The following SPTBN1 variants were observed in gnomAD, a reference collection of about 807,000 sequenced individuals.
SPTBN1 encodes spectrin beta chain, non-erythrocytic 1.
In SPTBN1, 32 loss-of-function variants were observed where a neutral mutation model predicts 266.4. The ratio of observed to expected loss-of-function variants is 0.12; its 90% CI spans 0.09 to 0.16. The LOEUF (loss-of-function observed/expected upper bound fraction) is 0.16, where lower values mean the gene tolerates loss of function less well. Ranked by LOEUF, SPTBN1 falls within the 10% of genes least tolerant of loss-of-function variation. The probability of loss-of-function intolerance (pLI) is 1.00; values close to 1 mark genes in which losing one functional copy is unlikely to be tolerated. For synonymous variants in SPTBN1, 1,336 were observed against 1,162.2 expected (o/e 1.15, Z -3.04); for missense variants, 2,296 against 3,067.1 (o/e 0.75, Z 5.94).
At chr2:54,547,909 C>A (rs1672340139) in intron 2 of SPTBN1, among the ~76,000 whole-genome samples, 1 of 152,108 alleles carries the variant, frequency 6.6e-6, no homozygotes, top group African/African-American at 2.4e-5. Flanking sequence ...TTTGGGAGGC[C>A]AAGGCGGGCA....
chr2:54,576,714 C>A (rs1674508443), intron 2 of SPTBN1, among the ~76,000 whole-genome samples: 1 of 152,176 alleles, frequency 6.6e-6, no homozygotes, highest in Non-Finnish European at 1.5e-5. Context: ...ATCCATCCAC[C>A]TGTTCAATCA....
rs770985688 is a variant in SPTBN1 at position 54,628,381 on chromosome 2, C to A, written c.1798+131C>A. ...GGGTTTGTCATGGGAGCATGAAATA[C>A]GGTGGAGTGGCCTTCTGAACACTAA... On this transcript the variant is annotated intron_variant, in intron 13 of 35. Coordinates refer to ENST00000356805, the MANE Select transcript of SPTBN1 (RefSeq NM_003128.3). The surrounding 1 kb of genome is among the most constrained non-coding windows in gnomAD (Gnocchi z 4.3). 1.8e-5 allele frequency: 21 copies of A among 1,168,282 alleles called. No individual in the cohort carries two copies. The highest frequency in any genetic ancestry group is 6.6e-5 in the Admixed American group (2 of 30,310). 72.4% of individuals were successfully genotyped at this position (1,168,282 alleles called of 1,614,324 possible).
At chr2:54,584,438 T>TA (rs1442620957) in intron 2 of SPTBN1, among the ~76,000 whole-genome samples, 1 of 152,244 alleles carries the variant, frequency 6.6e-6, no homozygotes, top group East Asian at 1.9e-4. Flanking sequence ...ATGGAGGAAA[T>TA]ACATACTATA....
intron 2 of SPTBN1, among the ~76,000 whole-genome samples, chr2:54,571,596 C>T (rs370166274): frequency 0.17 from 22,754 of 137,246 alleles, 1,801 homozygotes; most frequent in Middle Eastern, 0.19. Context: ...CACACACACA[C>T]ACACATATCT....
chr2:54,459,161 G>A (rs1412669052), intron 1 of SPTBN1, among the ~76,000 whole-genome samples: 1 of 152,172 alleles, frequency 6.6e-6, no homozygotes, highest in Non-Finnish European at 1.5e-5. Flanking sequence ...AATTCTGTTG[G>A]GTTAAGCTCT....
chr2:54,573,662 G>T (rs1462324809), intron 2 of SPTBN1, among the ~76,000 whole-genome samples: 1 of 152,182 alleles, frequency 6.6e-6, no homozygotes, highest in African/African-American at 2.4e-5. Flanking sequence ...GTTAGAAACA[G>T]AACTCCTTTT....
chr2:54,467,585 A>G (rs1192063448), intron 1 of SPTBN1, among the ~76,000 whole-genome samples: 1 of 152,084 alleles, frequency 6.6e-6, no homozygotes, highest in Non-Finnish European at 1.5e-5. Context: ...GGGTTTCACC[A>G]TGTTGGCCAG....
chr2:54,645,085 A>G lies in SPTBN1; in HGVS notation c.4270-144A>G. The G allele has an allele frequency of 1.3e-6, 1 of 747,602 alleles. No homozygotes were observed. Among genetic ancestry groups the G allele is most frequent in the East Asian group, 2.6e-5 (1 of 37,856 alleles). 46.3% of individuals were successfully genotyped at this position (747,602 alleles called of 1,614,324 possible). A position where few individuals can be genotyped will look rare whatever the true frequency, so the allele number is the denominator to read the frequency against. On this transcript the variant is annotated intron_variant, in intron 20 of 35. Coordinates refer to ENST00000356805, the MANE Select transcript of SPTBN1 (RefSeq NM_003128.3). The surrounding 1 kb of genome is among the most constrained non-coding windows in gnomAD (Gnocchi z 4.3). ...GAAAACAGTTCCATTGATGTTGAAA[A>G]GCAAGTCAGTGGCAAAATGTTTGAG...
intron 3 of SPTBN1, among the ~76,000 whole-genome samples, chr2:54,608,610 G>A (rs1184925689): frequency 6.6e-6 from 1 of 152,124 alleles, no homozygotes; most frequent in East Asian, 1.9e-4. Context: ...AAGGAGAGAA[G>A]GATGGAGCCA....
rs1677252271 is a variant in SPTBN1, at chr2:54,612,054, G to A, written c.301-107G>A. 6.4e-6 allele frequency: 7 copies of A among 1,098,830 alleles called. No individual in the cohort carries two copies. The Middle Eastern group carries it at 8.4e-4, about 132-fold the overall frequency. The allele number at this position is 1,098,830 out of a possible 1,614,324, so 68.1% of individuals were successfully genotyped here. A position where few individuals can be genotyped will look rare whatever the true frequency, so the allele number is the denominator to read the frequency against. ...CATGTGTTTGTTAATGTTCTGCTCT[G>A]AGCGGGAGAGCATTGCATGAATGGG... On this transcript the variant is annotated intron_variant, in intron 3 of 35. Coordinates refer to ENST00000356805, the MANE Select transcript of SPTBN1 (RefSeq NM_003128.3).
Position 54,623,378 on chromosome 2 carries a change from T to C in SPTBN1, c.1065-101T>C, listed in dbSNP as rs113332498. 143 of 1,021,892 alleles carry C rather than the reference T, an allele frequency of 1.4e-4. No individual in the cohort carries two copies. The African/African-American group carries it at 1.9e-3, about 14-fold the overall frequency. 63.3% of individuals were successfully genotyped at this position (1,021,892 alleles called of 1,614,324 possible). A position where few individuals can be genotyped will look rare whatever the true frequency, so the allele number is the denominator to read the frequency against. Reference sequence around the variant, plus strand: ...CCTACTGATGTCTCTTTGACATGCATTTCATGTAAGTCAGACCAGAGTTAA... The same window carrying C: ...CCTACTGATGTCTCTTTGACATGCACTTCATGTAAGTCAGACCAGAGTTAA... On this transcript the variant is annotated intron_variant, in intron 9 of 35. Coordinates refer to ENST00000356805, the MANE Select transcript of SPTBN1 (RefSeq NM_003128.3).
At chr2:54,585,776 G>T (rs1026246800) in intron 2 of SPTBN1, among the ~76,000 whole-genome samples, 1 of 152,124 alleles carries the variant, frequency 6.6e-6, no homozygotes, top group Non-Finnish European at 1.5e-5. Context: ...CTCGATAAAT[G>T]GTTGCTGTGG....
At chr2:54,639,728 A>G (rs1042099843) in intron 18 of SPTBN1, among the ~76,000 whole-genome samples, 1 of 152,232 alleles carries the variant, frequency 6.6e-6, no homozygotes, top group African/African-American at 2.4e-5. Flanking sequence ...GCTCTAAATG[A>G]GCATCCCTGG....
rs1411448480 is a variant in SPTBN1, at chr2:54,554,624, AG to A, written c.148+28060del. Among the ~76,000 whole-genome samples the A allele has an allele frequency of 6.6e-6, 1 of 152,182 alleles. No homozygotes were observed. Among genetic ancestry groups the A allele is most frequent in the Non-Finnish European group, 1.5e-5 (1 of 68,038 alleles). On this transcript the variant is annotated intron_variant, in intron 2 of 35. Transcript: ENST00000356805. The surrounding 1 kb of genome is among the most constrained non-coding windows in gnomAD (Gnocchi z 4.5). ...GTTTGGTTTATAGACGAAGATTGAGAGGCCCAGAGAACATCAGAAACATGCT... is the reference window on the plus strand; with the variant it reads ...GTTTGGTTTATAGACGAAGATTGAGAGCCCAGAGAACATCAGAAACATGCT...
chr2:54,655,710 G>A (rs776336508), intron 28 of SPTBN1, among the ~76,000 whole-genome samples: 4 of 152,208 alleles, frequency 2.6e-5, no homozygotes, highest in Non-Finnish European at 5.9e-5. Flanking sequence ...GGGCTTCCGC[G>A]CCTTCCTCCA....
chr2:54,548,191 G>A (rs1004422395), intron 2 of SPTBN1, among the ~76,000 whole-genome samples: 5 of 152,136 alleles, frequency 3.3e-5, no homozygotes, highest in African/African-American at 1.2e-4. Flanking sequence ...CATTTGTCAG[G>A]TATTTTTTTA....
intron 1 of SPTBN1, among the ~76,000 whole-genome samples, chr2:54,504,802 T>C (rs79115971): frequency 0.037 from 5,594 of 152,288 alleles, 147 homozygotes; most frequent in Admixed American, 0.088. Context: ...TACCTTATAA[T>C]ATTTTAAAAA....
intron 3 of SPTBN1, among the ~76,000 whole-genome samples, chr2:54,606,465 C>G (rs1676845042): frequency 6.6e-6 from 1 of 152,166 alleles, no homozygotes; most frequent in African/African-American, 2.4e-5. Context: ...GGTGCACGAA[C>G]TGACAAGAAA....
rs878874672 is a variant in SPTBN1 at position 54,649,669 on chromosome 2, G to C, written c.5257G>C (p.Glu1753Gln). The C allele has an allele frequency of 6.2e-7, 1 of 1,613,678 alleles. No homozygotes were observed. Among genetic ancestry groups the C allele is most frequent in the Non-Finnish European group, 8.5e-7 (1 of 1,179,628 alleles). Reference sequence around the variant, plus strand: ...CCGAGACACCGGGAACATTGGGCAGGAGCGCGTGGACACGGTCAATCACCT... The same window carrying C: ...CCGAGACACCGGGAACATTGGGCAGCAGCGCGTGGACACGGTCAATCACCT... ...FARDTGNIGQERVDTVNHLAD... is the reference protein window; with the variant it reads ...FARDTGNIGQQRVDTVNHLAD... The change falls in exon 26 of 36, where the codon GAG becomes CAG. Residue 1753 changes from glutamate to glutamine, a missense_variant. By Grantham distance (29) the Glu-to-Gln change is conservative (BLOSUM62 2). Coordinates refer to ENST00000356805, the MANE Select transcript of SPTBN1 (RefSeq NM_003128.3). This position sits in a 1 kb window ranked among gnomAD's most constrained non-coding sequence, Gnocchi z 6.7.
Sources: gnomAD v4.1 joint callset for allele counts (sites outside exome capture counted in the v4.1 genomes callset) on GRCh38, gnomAD v4.1.1 for gene constraint, Gnocchi (gnomAD v3.1) non-coding constraint, MANE v1.5 for transcripts, NCBI Gene and HGNC (gene_info 2026-07-23, HGNC 2026-07-21) for gene names.